The following FTCDNL1 variants were observed in gnomAD, a reference collection of about 807,000 sequenced individuals.
FTCDNL1 encodes formiminotransferase cyclodeaminase N-terminal like.
A neutral mutation model predicts 5.9 loss-of-function variants in FTCDNL1; 11 were observed. That is an observed-to-expected ratio of 1.87 (90% confidence interval 1.18 to 3.10). The LOEUF is 3.10. Among genes scored for constraint, FTCDNL1 ranks in the 30% most tolerant of loss-of-function variants. The probability of loss-of-function intolerance (pLI) is 0.00; values close to 1 mark genes in which losing one functional copy is unlikely to be tolerated. For missense variants in FTCDNL1, 115 were observed against 65.5 expected, an observed-to-expected ratio of 1.76 and a Z score of -2.61; for synonymous variants, 58 against 24.8, an observed-to-expected ratio of 2.34 and a Z score of -3.99.
chr2:199,728,916 C>G, the FTCDNL1 span, among the ~76,000 whole-genome samples: 2 of 152,164 alleles, frequency 1.3e-5, no homozygotes, highest in Non-Finnish European at 1.5e-5. Flanking sequence ...AGGCTAACGG[C>G]TAAAAGTGCC....
At chr2:199,836,954 C>G (rs908621687) in intron 3 of FTCDNL1, among the ~76,000 whole-genome samples, 11 of 152,192 alleles carry the variant, frequency 7.2e-5, no homozygotes, top group African/African-American at 2.7e-4. Context: ...ATGGGGTTAA[C>G]TTGCTTGCTC....
the FTCDNL1 span, among the ~76,000 whole-genome samples, chr2:199,738,967 A>G: frequency 4.9e-4 from 74 of 152,198 alleles, no homozygotes; most frequent in Admixed American, 4.8e-3. Context: ...TCGTAATAGC[A>G]CCATAAAATG....
At chr2:199,802,455 G>C (rs1700506265) in intron 3 of FTCDNL1, among the ~76,000 whole-genome samples, 1 of 152,196 alleles carries the variant, frequency 6.6e-6, no homozygotes, top group South Asian at 2.1e-4. Flanking sequence ...AAAATGTAGG[G>C]ATGTGAATTA....
At chr2:199,785,088 T>C (rs755734893) in intron 3 of FTCDNL1, among the ~76,000 whole-genome samples, 2 of 152,116 alleles carry the variant, frequency 1.3e-5, no homozygotes, top group Non-Finnish European at 2.9e-5. Context: ...CCCCGTTTGC[T>C]CTTTCATCTT....
At chr2:199,678,626 C>T in the FTCDNL1 span, among the ~76,000 whole-genome samples, 2 of 151,214 alleles carry the variant, frequency 1.3e-5, no homozygotes, top group Admixed American at 1.3e-4. Context: ...TATGATTTAT[C>T]CTCATTTTGG....
chr2:199,841,639 G>A (rs1318224239), intron 3 of FTCDNL1, among the ~76,000 whole-genome samples: 1 of 151,654 alleles, frequency 6.6e-6, no homozygotes, highest in Non-Finnish European at 1.5e-5. Context: ...CCTTTTACAT[G>A]CTGTCAAATG....
chr2:199,836,512 A>C (rs774128299), intron 3 of FTCDNL1, among the ~76,000 whole-genome samples: 2 of 152,086 alleles, frequency 1.3e-5, no homozygotes, highest in Non-Finnish European at 2.9e-5. Context: ...TTTTACATCA[A>C]GAGTGAGACA....
chr2:199,780,112 C>T (rs193210734), intron 3 of FTCDNL1, among the ~76,000 whole-genome samples: 202 of 152,258 alleles, frequency 1.3e-3, no homozygotes, highest in Non-Finnish European at 2.6e-3. Flanking sequence ...AAGTGCCTGT[C>T]GAGTGAAGGA....
chr2:199,824,765 A>G (rs1701917701), intron 3 of FTCDNL1, among the ~76,000 whole-genome samples: 1 of 152,208 alleles, frequency 6.6e-6, no homozygotes. Flanking sequence ...GAATAACAAC[A>G]TTTATCAGTT....
chr2:199,706,376 T>C, the FTCDNL1 span, among the ~76,000 whole-genome samples: 50 of 152,084 alleles, frequency 3.3e-4, no homozygotes, highest in Middle Eastern at 3.4e-3. Flanking sequence ...AAGTAGGAGG[T>C]TATGCTCATG....
chr2:199,681,315 G>A, the FTCDNL1 span, among the ~76,000 whole-genome samples: 3 of 152,134 alleles, frequency 2.0e-5, 1 homozygote, highest in South Asian at 6.2e-4. Context: ...AATTACCCGG[G>A]TGTGGTGGCA....
At chr2:199,779,022 A>C (rs996791091) in intron 3 of FTCDNL1, among the ~76,000 whole-genome samples, 2 of 152,194 alleles carry the variant, frequency 1.3e-5, no homozygotes, top group African/African-American at 2.4e-5. Context: ...TAATTGATAG[A>C]TTTGCTCGGT....
At chr2:199,692,114 T>C in the FTCDNL1 span, among the ~76,000 whole-genome samples, 112 of 152,300 alleles carry the variant, frequency 7.4e-4, no homozygotes, top group African/African-American at 2.5e-3. Context: ...ATCCAGATTT[T>C]TTTTCTTTTT....
At chr2:199,710,233 C>T in the FTCDNL1 span, among the ~76,000 whole-genome samples, 2 of 152,130 alleles carry the variant, frequency 1.3e-5, no homozygotes, top group Non-Finnish European at 2.9e-5. Flanking sequence ...TTAAAATGTG[C>T]TTCAAGTAAC....
chr2:199,667,204 T>C, the FTCDNL1 span, among the ~76,000 whole-genome samples: 59 of 152,218 alleles, frequency 3.9e-4, no homozygotes, highest in Non-Finnish European at 6.9e-4. Flanking sequence ...AGTTATAAAA[T>C]AGTGAGTTGG....
chr2:199,799,529 T>A (rs1196015913), intron 3 of FTCDNL1, among the ~76,000 whole-genome samples: 1 of 152,188 alleles, frequency 6.6e-6, no homozygotes. Context: ...CCAGATGGTG[T>A]CATCCAGAAA....
the FTCDNL1 span, among the ~76,000 whole-genome samples, chr2:199,720,670 C>A: frequency 2.0e-5 from 3 of 152,190 alleles, no homozygotes; most frequent in Non-Finnish European, 4.4e-5. Flanking sequence ...AGGACACTTG[C>A]CGTTGGATTT....
intron 3 of FTCDNL1, among the ~76,000 whole-genome samples, chr2:199,823,231 T>C (rs2103094): frequency 0.82 from 125,494 of 152,120 alleles, 51,865 homozygotes; most frequent in Admixed American, 0.89. Context: ...CTTGCTATTT[T>C]CACCACATCT....
At chr2:199,763,024 C>T (rs1698344173) in intron 3 of FTCDNL1, among the ~76,000 whole-genome samples, 1 of 152,158 alleles carries the variant, frequency 6.6e-6, no homozygotes, top group African/African-American at 2.4e-5. Flanking sequence ...GTCAATTAAA[C>T]AGGGAGTTAT....
Sources: gnomAD v4.1 joint callset for allele counts (sites outside exome capture counted in the v4.1 genomes callset) on GRCh38, gnomAD v4.1.1 for gene constraint, MANE v1.5 for transcripts, NCBI Gene and HGNC (gene_info 2026-07-23, HGNC 2026-07-21) for gene names.